Variants in CTNNA2 observed in about 807,000 individuals in gnomAD.
CTNNA2 encodes the protein catenin alpha-2.
In CTNNA2, 42 loss-of-function variants were observed where a neutral mutation model predicts 101.0. The ratio of observed to expected loss-of-function variants is 0.42; its 90% CI spans 0.32 to 0.54. CTNNA2 has a LOEUF of 0.54. CTNNA2 is among the 20% of genes least tolerant of loss of function. The pLI is 0.14. For missense variants in CTNNA2, 871 were observed against 1,223.1 expected (o/e 0.71, Z 4.29); for synonymous variants, 450 against 456.4 (o/e 0.99, Z 0.18).
chr2:79,687,596 A>G, intron 2 of CTNNA2: 1 of 706,678 alleles, frequency 1.4e-6, no homozygotes, highest in Non-Finnish European at 2.6e-6. Context: ...ATTTCAAATG[A>G]AAATCACATA....
At chr2:79,373,788 C>T (rs1901339) in intron 3 of CTNNA2, 123,570 of 152,110 alleles carry the variant, frequency 0.81, 50,682 homozygotes, top group African/African-American at 0.91. Flanking sequence ...ATTTAATTCT[C>T]ACAATAACCT....
At chr2:79,867,375 A>G (rs562446276) in intron 4 of CTNNA2, among the ~76,000 whole-genome samples, 5 of 152,042 alleles carry the variant, frequency 3.3e-5, no homozygotes, top group South Asian at 2.1e-4. Context: ...TCAATCATCT[A>G]TCTAATCTAT....
chr2:80,167,650 C>T (rs1704790753), intron 7 of CTNNA2, among the ~76,000 whole-genome samples: 1 of 152,192 alleles, frequency 6.6e-6, no homozygotes, highest in Non-Finnish European at 1.5e-5. Context: ...TTAAGCAAAA[C>T]ATCTGCCTAG....
At chr2:80,450,942 T>G (rs1226730344) in intron 9 of CTNNA2, among the ~76,000 whole-genome samples, 1 of 151,914 alleles carries the variant, frequency 6.6e-6, no homozygotes, top group South Asian at 2.1e-4. Context: ...CTTAACCAAG[T>G]CTTCATTAAT....
chr2:79,457,653 T>C (rs1184448097), intron 4 of CTNNA2, among the ~76,000 whole-genome samples: 1 of 151,736 alleles, frequency 6.6e-6, no homozygotes. Context: ...CTTTTTCTAC[T>C]TACCTTAGTT....
chr2:80,555,193 C>A (rs1283355580), intron 11 of CTNNA2, among the ~76,000 whole-genome samples: 2 of 152,102 alleles, frequency 1.3e-5, no homozygotes, highest in Non-Finnish European at 2.9e-5. Flanking sequence ...GTAATGAAAA[C>A]ATGATTAAAG....
At chr2:79,802,719 A>C (rs1676264827) in intron 3 of CTNNA2, among the ~76,000 whole-genome samples, 2 of 152,272 alleles carry the variant, frequency 1.3e-5, no homozygotes, top group Admixed American at 6.5e-5. Context: ...TTTGCATGAA[A>C]TGCAGATTGA....
chr2:80,339,030 A>G (rs1286108690), intron 7 of CTNNA2, among the ~76,000 whole-genome samples: 1 of 152,208 alleles, frequency 6.6e-6, no homozygotes, highest in Admixed American at 6.5e-5. Context: ...AGAATGGCAC[A>G]ATGAGTGGTA....
At position 79,853,896 on chromosome 2, in the gene CTNNA2, G is replaced by A. The variant is rs934250551; in HGVS notation, c.299-4117G>A. Among the ~76,000 whole-genome samples the A allele has an allele frequency of 2.7e-4, 41 of 151,912 alleles. 1 individual carries two copies. Among genetic ancestry groups the A allele is most frequent in the African/African-American group, 9.9e-4 (41 of 41,352 alleles). ...TTGGTCAGGCTGGTCTTGAACTCCC[G>A]ACCTCAGGTGATCCACCCGCCTTTG... On this transcript the variant is annotated intron_variant, in intron 3 of 18. Coordinates refer to ENST00000402739, the MANE Select transcript of CTNNA2 (RefSeq NM_001282597.3).
chr2:79,752,627 A>G (rs1240307334), intron 3 of CTNNA2, among the ~76,000 whole-genome samples: 1 of 152,172 alleles, frequency 6.6e-6, no homozygotes, highest in Non-Finnish European at 1.5e-5. Context: ...ATAGTCTGGT[A>G]CTCAACTAAG....
intron 4 of CTNNA2, among the ~76,000 whole-genome samples, chr2:79,392,080 A>G (rs751703863): frequency 1.3e-5 from 2 of 152,198 alleles, no homozygotes; most frequent in Non-Finnish European, 2.9e-5. Context: ...TTTCAAGGAT[A>G]TATTAACATT....
intron 1 of CTNNA2, among the ~76,000 whole-genome samples, chr2:79,556,370 CT>C (rs2104094708): frequency 6.6e-6 from 1 of 152,058 alleles, no homozygotes; most frequent in East Asian, 1.9e-4. Context: ...TGACTTGGAC[CT>C]CCCTAGCAGA....
At chr2:79,647,976 C>G (rs1450188225) in intron 1 of CTNNA2, among the ~76,000 whole-genome samples, 2 of 152,192 alleles carry the variant, frequency 1.3e-5, no homozygotes, top group African/African-American at 4.8e-5. Flanking sequence ...TAAGTAAGCA[C>G]ATTCCAAATG....
At chr2:80,410,534 G>C (rs1016618519) in intron 8 of CTNNA2, among the ~76,000 whole-genome samples, 2 of 152,196 alleles carry the variant, frequency 1.3e-5, no homozygotes, top group African/African-American at 4.8e-5. Flanking sequence ...CTTAACGAAT[G>C]ATTTTGTCAA....
chr2:79,409,670 G>T (rs1573152423), intron 4 of CTNNA2, among the ~76,000 whole-genome samples: 2 of 150,044 alleles, frequency 1.3e-5, no homozygotes, highest in East Asian at 3.9e-4. Context: ...TCTCTGTTTT[G>T]GTACCAGTAC....
At chr2:79,691,987 C>T (rs923860744) in intron 2 of CTNNA2, among the ~76,000 whole-genome samples, 1 of 152,040 alleles carries the variant, frequency 6.6e-6, no homozygotes, top group Non-Finnish European at 1.5e-5. Flanking sequence ...ACTAAAGCAC[C>T]AAAAGCAATG....
At chr2:80,544,763 A>G (rs1457742977) in intron 9 of CTNNA2, among the ~76,000 whole-genome samples, 1 of 152,190 alleles carries the variant, frequency 6.6e-6, no homozygotes, top group Non-Finnish European at 1.5e-5. Context: ...ACAACCTTGT[A>G]TATGCTTGAG....
At chr2:80,038,992 G>A (rs1275919127) in intron 7 of CTNNA2, among the ~76,000 whole-genome samples, 1 of 152,216 alleles carries the variant, frequency 6.6e-6, no homozygotes, top group African/African-American at 2.4e-5. Context: ...CAGGAAGGCA[G>A]TCAGGTTCTA....
chr2:79,869,097 G>A (rs981103565), intron 4 of CTNNA2, among the ~76,000 whole-genome samples: 1 of 152,152 alleles, frequency 6.6e-6, no homozygotes, highest in Non-Finnish European at 1.5e-5. Flanking sequence ...GAATTTTGAT[G>A]AAATTCACAA....
Sources: gnomAD v4.1 joint callset for allele counts (sites outside exome capture counted in the v4.1 genomes callset) on GRCh38, gnomAD v4.1.1 for gene constraint, MANE v1.5 for transcripts, NCBI Gene and HGNC (gene_info 2026-07-23, HGNC 2026-07-21) for gene names.